Variants in PPARG observed in about 807,000 individuals in gnomAD.
The protein encoded by PPARG is peroxisome proliferator activated receptor gamma.
Under a neutral mutation model 39.2 loss-of-function variants are expected in PPARG, and 17 were observed. That is an observed-to-expected ratio of 0.43 (90% CI 0.30 to 0.65). The LOEUF is 0.65. PPARG is among the 30% of genes least tolerant of loss of function. The probability of loss-of-function intolerance (pLI) is 0.13; values close to 1 mark genes in which losing one functional copy is unlikely to be tolerated. For synonymous variants in PPARG, 223 were observed against 215.7 expected (o/e 1.03, Z -0.30); for missense variants, 406 against 585.9 (o/e 0.69, Z 3.17).
At chr3:12,301,012 TA>T (rs1372537176) in intron 1 of PPARG, among the ~76,000 whole-genome samples, 1 of 152,236 alleles carries the variant, frequency 6.6e-6, no homozygotes, top group Non-Finnish European at 1.5e-5. Flanking sequence ...AACTACTCTT[TA>T]AAATATTAAT....
chr3:12,300,776 C>T (rs1330082458), intron 1 of PPARG, among the ~76,000 whole-genome samples: 1 of 152,098 alleles, frequency 6.6e-6, no homozygotes, highest in Non-Finnish European at 1.5e-5. Flanking sequence ...TGGGAAAATT[C>T]CATGTACCAA....
At chr3:12,415,335 A>T (rs709154) in intron 6 of PPARG, among the ~76,000 whole-genome samples, 42,402 of 152,182 alleles carry the variant, frequency 0.28, 6,684 homozygotes, top group East Asian at 0.42. Context: ...TTCTTAAGTC[A>T]CATGGCTCAC....
chr3:12,408,174 G>A (rs190108773), intron 6 of PPARG, among the ~76,000 whole-genome samples: 1 of 152,270 alleles, frequency 6.6e-6, no homozygotes, highest in Admixed American at 6.5e-5. Context: ...AATACACTAA[G>A]AAAGCTTCGG....
chr3:12,420,567 G>A (rs891392598), intron 7 of PPARG, among the ~76,000 whole-genome samples: 1 of 152,196 alleles, frequency 6.6e-6, no homozygotes, highest in Admixed American at 6.5e-5. Flanking sequence ...TTCAGCAAAG[G>A]CTCTTAGGGC....
chr3:12,379,833 C>T lies in PPARG; in HGVS notation c.122C>T (p.Ser41Phe). 6.2e-7 allele frequency: 1 copy of T among 1,613,940 alleles called. No homozygotes were observed. Among genetic ancestry groups the T allele is most frequent in the Non-Finnish European group, 8.5e-7 (1 of 1,179,856 alleles). ...DIKPFTTVDF[S>F]SISTPHYEDI... Reference sequence around the variant, plus strand: ...AAGCCCTTCACTACTGTTGACTTCTCCAGCATTTCTACTCCACATTACGAA... The same window carrying T: ...AAGCCCTTCACTACTGTTGACTTCTTCAGCATTTCTACTCCACATTACGAA... Residue 41 changes from serine (S) to phenylalanine (F), a missense_variant, in exon 3 of 8, where the codon TCC becomes TTC. Ser to Phe is a radical substitution (Grantham distance 155). Around this residue, in one of 2 missense-constraint regions of PPARG, gnomAD observed 131 missense variants for 127.9 expected, o/e 1.02. Coordinates refer to ENST00000651735, the MANE Select transcript of PPARG (RefSeq NM_138711.6).
intron 2 of PPARG, among the ~76,000 whole-genome samples, chr3:12,359,531 C>T (rs1203945129): frequency 1.3e-5 from 2 of 152,104 alleles, no homozygotes; most frequent in African/African-American, 2.4e-5. Context: ...AGACTCTTGA[C>T]GTAGGCCTCA....
At position 12,311,794 on chromosome 3, in the gene PPARG, CT is replaced by C. The variant is rs2047253260; in HGVS notation, c.-82-585del. Among the ~76,000 whole-genome samples the C allele has an allele frequency of 2.0e-5, 3 of 152,178 alleles. 1 individual carries two copies. In the South Asian group the frequency reaches 6.2e-4, roughly 32 times the overall value. Reference sequence around the variant, plus strand: ...TAGGACCATTTACTTAGATGATCTGCTCTCTGGTTCGTCCTCTGAAAAGTCT... The same window carrying C: ...TAGGACCATTTACTTAGATGATCTGCCTCTGGTTCGTCCTCTGAAAAGTCT... On this transcript the variant is annotated intron_variant, in intron 1 of 7. Coordinates refer to ENST00000651735, the MANE Select transcript of PPARG (RefSeq NM_138711.6).
intron 4 of PPARG, among the ~76,000 whole-genome samples, chr3:12,387,778 A>G (rs953841299): frequency 1.3e-5 from 2 of 152,214 alleles, no homozygotes; most frequent in African/African-American, 2.4e-5. Flanking sequence ...TGTTTTAGAC[A>G]TGAAGTCTTT....
chr3:12,290,153 C>T (rs1269355413), intron 1 of PPARG, among the ~76,000 whole-genome samples: 1 of 152,006 alleles, frequency 6.6e-6, no homozygotes, highest in Non-Finnish European at 1.5e-5. Context: ...TTTTAAAACT[C>T]ACTTGAAGGA....
intron 6 of PPARG, among the ~76,000 whole-genome samples, chr3:12,408,842 A>T (rs901958968): frequency 1.1e-4 from 3 of 27,320 alleles, no homozygotes; most frequent in East Asian, 1.2e-3. Context: ...AAGACTGATA[A>T]AAAAAAAGCC....
intron 2 of PPARG, among the ~76,000 whole-genome samples, chr3:12,376,664 A>C (rs1012146503): frequency 6.6e-6 from 1 of 152,212 alleles, no homozygotes; most frequent in Admixed American, 6.5e-5. Flanking sequence ...CAGATTATGC[A>C]GAAGAAAAGG....
chr3:12,359,464 A>G (rs9829551), intron 2 of PPARG, among the ~76,000 whole-genome samples: 18,166 of 152,058 alleles, frequency 0.12, 3,600 homozygotes, highest in African/African-American at 0.41. Flanking sequence ...TTTAATTTAA[A>G]TGGAATGCCT....
intron 5 of PPARG, among the ~76,000 whole-genome samples, chr3:12,404,483 G>T (rs112553631): frequency 1.1e-3 from 172 of 152,284 alleles, no homozygotes; most frequent in Middle Eastern, 0.01. Context: ...TGGTAGAAAT[G>T]CTACCCTTAG....
At chr3:12,337,658 G>A (rs941994445) in intron 2 of PPARG, among the ~76,000 whole-genome samples, 7 of 152,128 alleles carry the variant, frequency 4.6e-5, no homozygotes, top group Non-Finnish European at 1.0e-4. Context: ...GCTGAAAGTC[G>A]AGCCTGGCTC....
rs528408537 is a variant in PPARG, at chr3:12,379,225, G to A, written c.-8-479G>A. ...TCACCATGTTGGCCAGGCTGGTCTC[G>A]AACTCCTGACCTCAGGTGATCCTCC... is the stretch of plus-strand genomic sequence containing the variant. On this transcript the variant is annotated intron_variant, in intron 2 of 7. Coordinates refer to ENST00000651735, the MANE Select transcript of PPARG (RefSeq NM_138711.6). Among the ~76,000 whole-genome samples the A allele has an allele frequency of 1.9e-3, 286 of 152,070 alleles. 1 individual carries two copies. Among genetic ancestry groups the A allele is most frequent in the African/African-American group, 6.4e-3 (267 of 41,494 alleles).
chr3:12,302,742 A>G (rs2046960524), intron 1 of PPARG, among the ~76,000 whole-genome samples: 1 of 152,164 alleles, frequency 6.6e-6, no homozygotes, highest in African/African-American at 2.4e-5. Flanking sequence ...ATGCAGGAGA[A>G]GGAGTGTGGG....
At chr3:12,411,532 A>G (rs1179704839) in intron 6 of PPARG, among the ~76,000 whole-genome samples, 2 of 152,212 alleles carry the variant, frequency 1.3e-5, no homozygotes, top group Admixed American at 6.5e-5. Context: ...TCCTAGAACA[A>G]TCATTTTAAA....
intron 2 of PPARG, among the ~76,000 whole-genome samples, chr3:12,358,869 A>T (rs2125111625): frequency 6.6e-6 from 1 of 152,314 alleles, no homozygotes; most frequent in South Asian, 2.1e-4. Flanking sequence ...TATTATATAC[A>T]CTTAGTATTA....
chr3:12,307,739 A>G (rs2047111183), intron 1 of PPARG, among the ~76,000 whole-genome samples: 1 of 152,226 alleles, frequency 6.6e-6, no homozygotes, highest in African/African-American at 2.4e-5. Flanking sequence ...GAAGGAGTAT[A>G]TGAGAAGGGT....
Sources: allele counts gnomAD v4.1 joint callset (sites outside exome capture counted in the v4.1 genomes callset), GRCh38; gene constraint gnomAD v4.1.1; regional missense constraint gnomAD v4.1.1; transcripts MANE v1.5; gene names NCBI Gene and HGNC (gene_info 2026-07-23, HGNC 2026-07-21).